CAB39: variants seen among roughly 807,000 people sequenced by gnomAD.
The protein encoded by CAB39 is calcium binding protein 39.
A neutral mutation model predicts 40.0 loss-of-function variants in CAB39; 8 were observed. The observed-to-expected ratio is 0.20, with a 90% CI of 0.12 to 0.36. CAB39 has a LOEUF of 0.36. Among genes scored for constraint, CAB39 ranks in the 10% least tolerant of loss-of-function variants. The pLI, the probability that CAB39 is intolerant of heterozygous loss-of-function variation, is 1.00. For synonymous variants in CAB39, 156 were observed against 141.6 expected (o/e 1.10, Z -0.72); for missense variants, 270 against 401.1 (o/e 0.67, Z 2.79).
At chr2:230,741,097 C>G (rs570145862) in intron 1 of CAB39, among the ~76,000 whole-genome samples, 1 of 152,082 alleles carries the variant, frequency 6.6e-6, no homozygotes, top group Non-Finnish European at 1.5e-5. Flanking sequence ...TCAGGCGGTC[C>G]CCTGATTAAT....
At chr2:230,811,979 C>A (rs1696313515) in intron 6 of CAB39, among the ~76,000 whole-genome samples, 1 of 152,172 alleles carries the variant, frequency 6.6e-6, no homozygotes, top group Non-Finnish European at 1.5e-5. Flanking sequence ...AGAAAGCAGT[C>A]AGATCTTATA....
intron 1 of CAB39, among the ~76,000 whole-genome samples, chr2:230,756,696 T>A (rs542827451): frequency 4.4e-4 from 63 of 141,730 alleles, no homozygotes; most frequent in Non-Finnish European, 7.9e-4. Context: ...TTTATTTATT[T>A]ATTTATTTAT....
intron 1 of CAB39, among the ~76,000 whole-genome samples, chr2:230,735,325 C>A (rs556196235): frequency 1.1e-4 from 17 of 152,062 alleles, no homozygotes; most frequent in African/African-American, 4.1e-4. Flanking sequence ...TGCCACCACG[C>A]CTGGCTTATT....
chr2:230,713,368 G>GC (rs1328617578), intron 1 of CAB39, 138 bp downstream of exon 1: 1 of 152,312 alleles, frequency 6.6e-6, no homozygotes, highest in Non-Finnish European at 1.5e-5. Context: ...TGTCCCCGGA[G>GC]CCCCCGGGAG....
chr2:230,750,642 C>T (rs535174597), intron 1 of CAB39, among the ~76,000 whole-genome samples: 2 of 152,244 alleles, frequency 1.3e-5, no homozygotes, highest in African/African-American at 4.8e-5. Context: ...GTTATCACAA[C>T]TTAGTTGCAG....
chr2:230,713,389 C>T (rs923137087), intron 1 of CAB39, among the ~76,000 whole-genome samples, 159 bp downstream of exon 1: 1 of 152,190 alleles, frequency 6.6e-6, no homozygotes, highest in Non-Finnish European at 1.5e-5. Flanking sequence ...CAGCCGGGCC[C>T]AGCCTGCCCT....
At chr2:230,782,706 C>T (rs1695708323) in intron 2 of CAB39, among the ~76,000 whole-genome samples, 1 of 151,962 alleles carries the variant, frequency 6.6e-6, no homozygotes, top group Admixed American at 6.6e-5. Context: ...ATTGTCCATA[C>T]AGAGCAGTAA....
intron 1 of CAB39, chr2:230,725,157 C>T (rs1326679620): frequency 9.9e-6 from 16 of 1,613,178 alleles, no homozygotes; most frequent in South Asian, 5.5e-5. Context: ...AAGAAGGCGT[C>T]GCACCACTCT....
chr2:230,729,509 T>C (rs1051248704), intron 1 of CAB39, among the ~76,000 whole-genome samples: 15 of 152,038 alleles, frequency 9.9e-5, no homozygotes, highest in African/African-American at 3.6e-4. Flanking sequence ...CCCAGCACTT[T>C]GGGAGGCTGA....
rs569795704 is a variant in CAB39, at chr2:230,759,945, G to T, written c.-43-14G>T. The stretch of plus-strand genomic sequence containing the variant: ...CCCAGTGTTTGCTCACATGAACCTT[G>T]TGCTGTGTTCTAGGTAGCACAGGCG... On this transcript the variant is annotated splice_polypyrimidine_tract_variant and intron_variant, in intron 1 of 8. Transcript: ENST00000258418. 2 of 869,726 alleles carry T rather than the reference G, an allele frequency of 2.3e-6. No homozygotes were observed. The highest frequency in any genetic ancestry group is 2.5e-5 in the East Asian group (1 of 40,024). 53.9% of individuals were successfully genotyped at this position (869,726 alleles called of 1,614,324 possible). A position where few individuals can be genotyped will look rare whatever the true frequency, so the allele number is the denominator to read the frequency against.
At chr2:230,779,119 TG>T (rs1178331904) in intron 2 of CAB39, 1 of 152,168 alleles carries the variant, frequency 6.6e-6, no homozygotes, top group Non-Finnish European at 1.5e-5. Flanking sequence ...AATTATTAAA[TG>T]TAATTAAAGA....
chr2:230,778,436 C>G (rs1358041442), intron 2 of CAB39, among the ~76,000 whole-genome samples: 3 of 152,154 alleles, frequency 2.0e-5, no homozygotes, highest in Admixed American at 2.0e-4. Flanking sequence ...ACTTTTGTAT[C>G]ACTACTTTTT....
intron 1 of CAB39, among the ~76,000 whole-genome samples, chr2:230,753,582 G>T (rs750331783): frequency 3.3e-5 from 5 of 151,708 alleles, no homozygotes; most frequent in Admixed American, 6.6e-5. Context: ...GTGAAACCCC[G>T]TCTCTACAAC....
At chr2:230,728,307 A>G (rs550513621) in intron 1 of CAB39, among the ~76,000 whole-genome samples, 8 of 152,304 alleles carry the variant, frequency 5.3e-5, no homozygotes, top group African/African-American at 1.9e-4. Flanking sequence ...AATACAAAAT[A>G]TAAGAACAGC....
intron 2 of CAB39, among the ~76,000 whole-genome samples, chr2:230,782,805 CTTTCTTTCTTTT>C (rs1253120843): frequency 5.5e-5 from 6 of 108,442 alleles, no homozygotes; most frequent in Non-Finnish European, 8.8e-5. Flanking sequence ...TTCTTTCTTT[CTTTCTTTCTTTT>C]TTTTTTTTTT....
intron 1 of CAB39, among the ~76,000 whole-genome samples, chr2:230,717,523 G>A (rs1365537459): frequency 6.6e-6 from 1 of 152,132 alleles, no homozygotes; most frequent in Non-Finnish European, 1.5e-5. Context: ...CTACAGTCCG[G>A]AATATGGGGG....
intron 4 of CAB39, among the ~76,000 whole-genome samples, chr2:230,797,417 A>G (rs1413814430): frequency 1.3e-5 from 2 of 152,126 alleles, no homozygotes; most frequent in Non-Finnish European, 2.9e-5. Context: ...CAATCTCACC[A>G]TAATGAACAG....
chr2:230,730,810 G>A (rs942358327), intron 1 of CAB39, among the ~76,000 whole-genome samples: 6 of 152,132 alleles, frequency 3.9e-5, no homozygotes, highest in African/African-American at 1.4e-4. Context: ...TCGAGTGATA[G>A]AAGAAAAGAA....
At chr2:230,760,308 C>A (rs542784173) in intron 2 of CAB39, among the ~76,000 whole-genome samples, 193 bp downstream of exon 2, 8 of 152,264 alleles carry the variant, frequency 5.3e-5, no homozygotes, top group African/African-American at 1.7e-4. Flanking sequence ...TCTAACTGTT[C>A]TGTCAGGTTT....
Sources: allele counts gnomAD v4.1 joint callset (sites outside exome capture counted in the v4.1 genomes callset), GRCh38; gene constraint gnomAD v4.1.1; transcripts MANE v1.5; gene names NCBI Gene and HGNC (gene_info 2026-07-23, HGNC 2026-07-21).